FKBP3: variants seen among roughly 807,000 people sequenced by gnomAD.
FKBP3 encodes peptidyl-prolyl cis-trans isomerase FKBP3.
A neutral mutation model predicts 30.6 loss-of-function variants in FKBP3; 21 were observed. That is an observed-to-expected ratio of 0.69 (90% confidence interval 0.49 to 0.99). FKBP3 has a LOEUF of 0.99. Ranked by LOEUF, FKBP3 falls within the 50% of genes least tolerant of loss-of-function variation. The probability of loss-of-function intolerance (pLI) is 0.00; values close to 1 mark genes in which losing one functional copy is unlikely to be tolerated. For missense variants in FKBP3, 283 were observed against 261.6 expected, an observed-to-expected ratio of 1.08 and a Z score of -0.56; for synonymous variants, 82 against 91.3, an observed-to-expected ratio of 0.90 and a Z score of 0.58.
chr14:45,122,508 C>CT (rs375403298), intron 3 of FKBP3, among the ~76,000 whole-genome samples: 1 of 151,334 alleles, frequency 6.6e-6, no homozygotes, highest in African/African-American at 2.4e-5. Context: ...TGACCTATTT[C>CT]TTTTTTTTTC....
rs1387391531 is a variant in FKBP3, at chr14:45,129,908, G to C, written c.211-7C>G. The C allele has an allele frequency of 6.3e-7, 1 of 1,583,248 alleles. No individual in the cohort carries two copies. Among genetic ancestry groups the C allele is most frequent in the Admixed American group, 1.7e-5 (1 of 58,528 alleles). ...TTTCAGTACCCTTAAAACGCTGTAAGGAAAATGTTGTAACATCATACCCAG... is the reference window on the plus strand; with the variant it reads ...TTTCAGTACCCTTAAAACGCTGTAACGAAAATGTTGTAACATCATACCCAG... On this transcript the variant is annotated splice_polypyrimidine_tract_variant and splice_region_variant and intron_variant, in intron 2 of 6. Coordinates refer to ENST00000396062, the MANE Select transcript of FKBP3 (RefSeq NM_002013.4).
At chr14:45,119,844 T>C (rs1036723187) in intron 5 of FKBP3, among the ~76,000 whole-genome samples, 2 of 151,838 alleles carry the variant, frequency 1.3e-5, no homozygotes. Flanking sequence ...AGTGCCACCA[T>C]GCCCAGATAA....
At chr14:45,121,684 A>G (rs1884989791) in intron 3 of FKBP3, 64 bp from the exon 4 acceptor site, 4 of 1,536,994 alleles carry the variant, frequency 2.6e-6, no homozygotes, top group Non-Finnish European at 3.5e-6. Context: ...AAGAATGACA[A>G]ACAATAGCCA....
intron 1 of FKBP3, chr14:45,131,360 G>C (rs1368851111): frequency 6.6e-6 from 1 of 152,190 alleles, no homozygotes; most frequent in South Asian, 2.1e-4. Flanking sequence ...GGCCGGGCGC[G>C]GTGGCTCATG....
At chr14:45,130,942 T>C (rs768844799) in intron 1 of FKBP3, 142 bp from the exon 2 acceptor site, 6 of 493,448 alleles carry the variant, frequency 1.2e-5, no homozygotes, top group Non-Finnish European at 2.1e-5. Flanking sequence ...TAGTTTATAC[T>C]CTTTGTTACA....
intron 5 of FKBP3, among the ~76,000 whole-genome samples, chr14:45,119,689 A>ATTT (rs1388630873): frequency 7.0e-6 from 1 of 143,684 alleles, no homozygotes; most frequent in Non-Finnish European, 1.5e-5. Context: ...GCAGGTAACA[A>ATTT]TTTTTTTTTT....
intron 1 of FKBP3, among the ~76,000 whole-genome samples, chr14:45,132,730 C>T (rs1164564465): frequency 1.3e-5 from 2 of 151,792 alleles, no homozygotes; most frequent in Non-Finnish European, 2.9e-5. Context: ...CCACCACGAC[C>T]GACCGAGACT....
At chr14:45,119,750 T>C (rs980450893) in intron 5 of FKBP3, among the ~76,000 whole-genome samples, 5 of 150,390 alleles carry the variant, frequency 3.3e-5, no homozygotes, top group Admixed American at 1.3e-4. Context: ...TGCAGTGGCG[T>C]GATCTCAGCT....
chr14:45,120,343 TCA>T lies in FKBP3; in HGVS notation c.522+542_522+543del, dbSNP rs553408112. On this transcript the variant is annotated intron_variant, in intron 5 of 6. Transcript: ENST00000396062. ...TCTCAAAGTTTCTTTCTGTTATCTC[TCA>T]CATATAAGTGTAGGTTAAAGCATGC... Among the ~76,000 whole-genome samples the T allele has an allele frequency of 5.6e-3, 854 of 152,332 alleles. 8 individuals carry two copies. Among genetic ancestry groups the T allele is most frequent in the African/African-American group, 0.02 (816 of 41,582 alleles).
chr14:45,125,829 G>A (rs1317049754), intron 3 of FKBP3, among the ~76,000 whole-genome samples: 1 of 151,812 alleles, frequency 6.6e-6, no homozygotes, highest in Non-Finnish European at 1.5e-5. Flanking sequence ...CTCTAAGGAA[G>A]AAATAAAATA....
intron 3 of FKBP3, among the ~76,000 whole-genome samples, chr14:45,122,524 T>C (rs1273614404): frequency 6.6e-6 from 1 of 152,082 alleles, no homozygotes; most frequent in Non-Finnish European, 1.5e-5. Flanking sequence ...TTTTCTGAGA[T>C]GGAGTCTCAC....
chr14:45,119,609 T>C (rs1317117961), intron 5 of FKBP3, among the ~76,000 whole-genome samples: 1 of 151,598 alleles, frequency 6.6e-6, no homozygotes, highest in Non-Finnish European at 1.5e-5. Context: ...AATTTACCAG[T>C]ATGCAAATAA....
chr14:45,122,739 G>A (rs1473611924), intron 3 of FKBP3, among the ~76,000 whole-genome samples: 3 of 151,818 alleles, frequency 2.0e-5, no homozygotes, highest in Non-Finnish European at 4.4e-5. Context: ...TCCAGACCTC[G>A]TGATCCGCCC....
At position 45,116,219 on chromosome 14, in the gene FKBP3, C is replaced by T. The variant is rs1177959633; in HGVS notation, c.654G>A (p.Val218=). The change falls in exon 7 of 7, where the codon GTG becomes GTA. Residue 218 remains valine, a synonymous_variant. Transcript: ENST00000396062. The part of the protein sequence containing the change: ...IPPNAKLTFE[V]ELVDID ...TATTTCAATCAATATCCACTAATTC[C>T]ACTTCAAAAGTGAGTTTTGCATTTG... is the stretch of plus-strand genomic sequence containing the variant. The T allele has an allele frequency of 6.2e-7, 1 of 1,612,558 alleles. No individual in the cohort carries two copies. The highest frequency in any genetic ancestry group is 1.1e-5 in the South Asian group (1 of 91,034).
Position 45,121,493 on chromosome 14 carries a change from A to G in FKBP3, c.446T>C (p.Ile149Thr). ...ATTCCATTTAGACTTACTTGTTTGA[A>G]TATTAGTATCAAAAACAGTCCCATC... ...LQDGTVFDTN[I>T]QTSAKKKKNA... is the part of the protein sequence containing the mutation. Residue 149 changes from isoleucine (I) to threonine (T), a missense_variant, in exon 4 of 7, where the codon ATT becomes ACT. Physicochemically the swap from Ile to Thr is moderately conservative, Grantham distance 89. Transcript: ENST00000396062. 1 of 1,611,118 alleles carries G rather than the reference A, an allele frequency of 6.2e-7. No individual in the cohort carries two copies. Among genetic ancestry groups the G allele is most frequent in the Non-Finnish European group, 8.5e-7 (1 of 1,178,604 alleles).
At chr14:45,119,719 G>T (rs973553528) in intron 5 of FKBP3, among the ~76,000 whole-genome samples, 1 of 141,342 alleles carries the variant, frequency 7.1e-6, no homozygotes, top group African/African-American at 2.6e-5. Flanking sequence ...ATGGAGTCTT[G>T]CTCTGTTGCC....
chr14:45,124,105 A>G (rs1266592079), intron 3 of FKBP3, among the ~76,000 whole-genome samples: 1 of 152,160 alleles, frequency 6.6e-6, no homozygotes, highest in Non-Finnish European at 1.5e-5. Context: ...TACTGCTTAT[A>G]GTTTTGTGTC....
rs945884677 is a variant in FKBP3 at position 45,132,396 on chromosome 14, GATT to G, written c.109-1599_109-1597del. On this transcript the variant is annotated intron_variant, in intron 1 of 6. Coordinates refer to ENST00000396062, the MANE Select transcript of FKBP3 (RefSeq NM_002013.4). ...GGTCTAAGTGTTAATGATCACCGGA[GATT>G]ATTATTATTAATTTTTGAGACAGAG... is the stretch of plus-strand genomic sequence containing the variant. Among the ~76,000 whole-genome samples the G allele has an allele frequency of 2.0e-5, 3 of 152,008 alleles. 1 individual carries two copies. In the South Asian group the frequency reaches 6.2e-4, roughly 32 times the overall value.
chr14:45,130,647 G>A, intron 2 of FKBP3, 52 bp downstream of exon 2: 2 of 1,084,544 alleles, frequency 1.8e-6, no homozygotes, highest in Non-Finnish European at 2.7e-6. Flanking sequence ...ATCTTTTTTG[G>A]AAATAAAATT....
Sources: allele counts gnomAD v4.1 joint callset (sites outside exome capture counted in the v4.1 genomes callset), GRCh38; gene constraint gnomAD v4.1.1; transcripts MANE v1.5; gene names NCBI Gene and HGNC (gene_info 2026-07-23, HGNC 2026-07-21).